Variants in PAX2 observed in about 807,000 individuals in gnomAD.
The protein encoded by PAX2 is paired box 2.
In PAX2, 9 loss-of-function variants were observed where a neutral mutation model predicts 41.7. The ratio of observed to expected loss-of-function variants is 0.22; its 90% CI spans 0.13 to 0.38. PAX2 has a LOEUF of 0.38. Among genes scored for constraint, PAX2 ranks in the 10% least tolerant of loss-of-function variants. The pLI, the probability that PAX2 is intolerant of heterozygous loss-of-function variation, is 1.00. For missense variants in PAX2, 418 were observed against 531.6 expected (o/e 0.79, Z 2.10); for synonymous variants, 221 against 212.7 (o/e 1.04, Z -0.34).
intron 5 of PAX2, among the ~76,000 whole-genome samples, chr10:100,802,897 C>T (rs1847615903): frequency 6.6e-6 from 1 of 152,234 alleles, no homozygotes; most frequent in East Asian, 1.9e-4. Flanking sequence ...CTGTTTCAGC[C>T]CAGCTCTGCC....
upstream of PAX2, among the ~76,000 whole-genome samples, chr10:100,744,165 C>T (rs1254433953): frequency 6.6e-6 from 1 of 152,228 alleles, no homozygotes; most frequent in Non-Finnish European, 1.5e-5. Context: ...GCCGCCCAGG[C>T]TCCGGCCAGA....
intron 5 of PAX2, among the ~76,000 whole-genome samples, chr10:100,803,677 G>A (rs1172774388): frequency 6.6e-6 from 1 of 151,910 alleles, no homozygotes; most frequent in Non-Finnish European, 1.5e-5. Context: ...TGGGGGGTGG[G>A]GGTTCTCCGC....
At chr10:100,803,638 G>C (rs1307569148) in intron 5 of PAX2, among the ~76,000 whole-genome samples, 1 of 152,006 alleles carries the variant, frequency 6.6e-6, no homozygotes, top group Non-Finnish European at 1.5e-5. Context: ...TCTCCTACAG[G>C]AGTTCCCGCA....
upstream of PAX2, among the ~76,000 whole-genome samples, chr10:100,740,667 TA>T (rs1844921641): frequency 6.6e-6 from 1 of 152,196 alleles, no homozygotes; most frequent in Non-Finnish European, 1.5e-5. Flanking sequence ...AAGACAGGCG[TA>T]ATTATCCCCA....
At position 100,735,723 on chromosome 10, in the gene PAX2, G is replaced by T. The variant is rs185973797; in HGVS notation, c.15G>T (p.Ala5=). 5.9e-4 allele frequency: 619 copies of T among 1,048,320 alleles called. 5 individuals are homozygous for T. In the African/African-American group the frequency reaches 9.6e-3, roughly 16 times the overall value. 64.9% of individuals were successfully genotyped at this position (1,048,320 alleles called of 1,614,324 possible). A position where few individuals can be genotyped will look rare whatever the true frequency, so the allele number is the denominator to read the frequency against. Residue 5 remains alanine (A), a synonymous_variant, in exon 1 of 10, where the codon GCG becomes GCT. Transcript: ENST00000679374. Reference sequence around the variant, plus strand: ...GGGAGCCTAGCATGGAAGAGCGCGCGGGTCCGGCAGGTAAGAGCGGCAGAG... The same window carrying T: ...GGGAGCCTAGCATGGAAGAGCGCGCTGGTCCGGCAGGTAAGAGCGGCAGAG...
At chr10:100,764,795 T>C (rs1845963509) in intron 3 of PAX2, among the ~76,000 whole-genome samples, 1 of 152,028 alleles carries the variant, frequency 6.6e-6, no homozygotes, top group Non-Finnish European at 1.5e-5. Flanking sequence ...TTTTCGTAGG[T>C]TGTGGTGCTT....
intron 3 of PAX2, among the ~76,000 whole-genome samples, chr10:100,773,551 G>A (rs1846284031): frequency 6.6e-6 from 1 of 152,152 alleles, no homozygotes; most frequent in South Asian, 2.1e-4. Flanking sequence ...GTGGATGGAT[G>A]GATAGATGAA....
At chr10:100,754,554 G>A (rs1845563148) in intron 3 of PAX2, among the ~76,000 whole-genome samples, 1 of 152,190 alleles carries the variant, frequency 6.6e-6, no homozygotes, top group South Asian at 2.1e-4. Context: ...GCTGTGTTAA[G>A]GAATTCCATC....
intron 3 of PAX2, among the ~76,000 whole-genome samples, chr10:100,752,153 C>T (rs1453793574): frequency 3.3e-5 from 5 of 152,284 alleles, no homozygotes; most frequent in South Asian, 4.1e-4. Context: ...TACTGCGAGG[C>T]GACCCCAGAA....
chr10:100,808,153 T>A (rs980468632), intron 6 of PAX2, among the ~76,000 whole-genome samples: 5 of 152,212 alleles, frequency 3.3e-5, no homozygotes, highest in African/African-American at 1.2e-4. Context: ...CTAATTGAGT[T>A]CATTTTAATT....
chr10:100,797,637 A>G (rs1847386081), intron 5 of PAX2, among the ~76,000 whole-genome samples: 1 of 152,202 alleles, frequency 6.6e-6, no homozygotes, highest in Admixed American at 6.5e-5. Flanking sequence ...TAGAAACTGG[A>G]TCTGTTTTAG....
intron 3 of PAX2, among the ~76,000 whole-genome samples, chr10:100,777,698 A>G (rs553246981): frequency 3.3e-5 from 5 of 152,358 alleles, no homozygotes; most frequent in Admixed American, 1.3e-4. Context: ...CCCAGCCAGT[A>G]GTGTGATCTT....
intron 5 of PAX2, among the ~76,000 whole-genome samples, chr10:100,801,384 C>T (rs990435808): frequency 2.6e-5 from 4 of 152,186 alleles, no homozygotes; most frequent in African/African-American, 9.7e-5. Context: ...CTTTGTTATC[C>T]TCGAAAGAAT....
intron 7 of PAX2, among the ~76,000 whole-genome samples, chr10:100,810,539 A>G (rs908165286): frequency 1.3e-5 from 2 of 152,190 alleles, no homozygotes; most frequent in African/African-American, 4.8e-5. Flanking sequence ...AGCATGAGCC[A>G]TCCTTCGCCC....
intron 3 of PAX2, among the ~76,000 whole-genome samples, chr10:100,755,596 C>T (rs967556237): frequency 4.6e-5 from 7 of 152,152 alleles, no homozygotes; most frequent in Admixed American, 6.5e-5. Context: ...CATTTATTAC[C>T]GTTCATGGCC....
chr10:100,819,255 A>T (rs1015100742), intron 7 of PAX2, among the ~76,000 whole-genome samples: 1 of 149,178 alleles, frequency 6.7e-6, no homozygotes, highest in Non-Finnish European at 1.5e-5. Context: ...CTCAAAAAAA[A>T]AAAAGGGGGG....
chr10:100,783,319 G>A (rs2087556538), intron 5 of PAX2, among the ~76,000 whole-genome samples: 1 of 152,230 alleles, frequency 6.6e-6, no homozygotes, highest in African/African-American at 2.4e-5. Context: ...TGTTAAACAT[G>A]TGAGCTCAAA....
chr10:100,790,913 G>A (rs1847090923), intron 5 of PAX2, among the ~76,000 whole-genome samples: 2 of 152,194 alleles, frequency 1.3e-5, no homozygotes, highest in South Asian at 4.1e-4. Flanking sequence ...CAGATCACGA[G>A]CCTCAGAGCC....
intron 3 of PAX2, among the ~76,000 whole-genome samples, chr10:100,778,252 GC>G (rs1190298620): frequency 2.0e-5 from 3 of 152,002 alleles, no homozygotes; most frequent in African/African-American, 7.3e-5. Flanking sequence ...TCTGATTTCA[GC>G]CCTACTTGGC....
Sources: gnomAD v4.1 joint callset for allele counts (sites outside exome capture counted in the v4.1 genomes callset) on GRCh38, gnomAD v4.1.1 for gene constraint, MANE v1.5 for transcripts, NCBI Gene and HGNC (gene_info 2026-07-23, HGNC 2026-07-21) for gene names.